Variants in PIP4K2C observed in about 807,000 individuals in gnomAD.
The protein encoded by PIP4K2C is phosphatidylinositol-5-phosphate 4-kinase type 2 gamma.
Under a neutral mutation model 45.0 loss-of-function variants are expected in PIP4K2C, and 21 were observed. The ratio of observed to expected loss-of-function variants is 0.47; its 90% CI spans 0.33 to 0.67. PIP4K2C has a LOEUF of 0.67. Among genes scored for constraint, PIP4K2C ranks in the 30% least tolerant of loss-of-function variants. PIP4K2C has a pLI of 0.02. For missense variants in PIP4K2C, 456 were observed against 542.8 expected, an observed-to-expected ratio of 0.84 and a Z score of 1.59; for synonymous variants, 201 against 204.8, an observed-to-expected ratio of 0.98 and a Z score of 0.16.
intron 3 of PIP4K2C, among the ~76,000 whole-genome samples, chr12:57,595,562 A>G (rs1883152516): frequency 6.6e-6 from 1 of 152,030 alleles, no homozygotes; most frequent in Non-Finnish European, 1.5e-5. Flanking sequence ...AAAATTAGCC[A>G]GGTGTGGTGG....
Position 57,591,376 on chromosome 12 carries a change from G to C in PIP4K2C, c.87G>C (p.Lys29Asn). The change falls in exon 1 of 10, where the codon AAG becomes AAC. Residue 29 changes from lysine to asparagine, a missense_variant. Transcript: ENST00000354947. The stretch of plus-strand genomic sequence containing the variant: ...GTTTCGGCTTCGCCTCCAAGACCAA[G>C]AAGAAGCATTTCGTGCAGCAGAAGG... The part of the protein sequence containing the change: ...GPGFGFASKT[K>N]KKHFVQQKVK... The C allele has an allele frequency of 6.2e-7, 1 of 1,613,978 alleles. No individual in the cohort carries two copies. The highest frequency in any genetic ancestry group is 1.1e-5 in the South Asian group (1 of 91,064).
intron 5 of PIP4K2C, 60 bp from the exon 6 acceptor site, chr12:57,599,340 C>T (rs918489975): frequency 7.5e-6 from 12 of 1,609,456 alleles, no homozygotes; most frequent in Non-Finnish European, 1.0e-5. Flanking sequence ...ATCTTAGGGG[C>T]TGGGTTCTGA....
At position 57,595,205 on chromosome 12, in the gene PIP4K2C, G is replaced by C; in HGVS notation, c.352G>C (p.Asp118His). 6.2e-7 allele frequency: 1 copy of C among 1,604,500 alleles called. No homozygotes were observed. Reference sequence around the variant, plus strand: ...GAACCTCCGTGATCGATTTGGCATTGATGACCAAGATTACTTGGTGAGAGT... The same window carrying C: ...GAACCTCCGTGATCGATTTGGCATTCATGACCAAGATTACTTGGTGAGAGT... ...FRNLRDRFGI[D>H]DQDYLVSLTR... The change falls in exon 3 of 10, where the codon GAT becomes CAT. Residue 118 changes from aspartate to histidine, a missense_variant. Asp to His is a moderately conservative substitution (Grantham distance 81, BLOSUM62 -1). This residue lies in a region of PIP4K2C where 421 missense variants were observed against 473.1 expected (regional missense o/e 0.89). Transcript: ENST00000354947.
Position 57,603,206 on chromosome 12 carries a change from C to T in PIP4K2C, c.*1600C>T, listed in dbSNP as rs2140197487. 1 of 152,772 alleles carries T rather than the reference C, an allele frequency of 6.5e-6. No individual in the cohort carries two copies. Among genetic ancestry groups the T allele is most frequent in the Non-Finnish European group, 1.5e-5 (1 of 68,042 alleles). The allele number at this position is 152,772 out of a possible 1,614,324, so 9.5% of individuals were successfully genotyped here. A position where few individuals can be genotyped will look rare whatever the true frequency, so the allele number is the denominator to read the frequency against. On this transcript the variant is annotated 3_prime_UTR_variant, in exon 10 of 10. Transcript: ENST00000354947. ...GGATCTTTTTCATTCCAACCATCTCCCTTTCCCCCGATGAATGCAATAAAA... is the reference window on the plus strand; with the variant it reads ...GGATCTTTTTCATTCCAACCATCTCTCTTTCCCCCGATGAATGCAATAAAA...
At position 57,591,227 on chromosome 12, in the gene PIP4K2C, C is replaced by T. The variant is rs1190137580; in HGVS notation, c.-63C>T. The T allele has an allele frequency of 1.2e-5, 19 of 1,529,100 alleles. No individual in the cohort carries two copies. The highest frequency in any genetic ancestry group is 2.0e-4 in the Middle Eastern group (1 of 4,956). The allele number at this position is 1,529,100 out of a possible 1,614,324, so 94.7% of individuals were successfully genotyped here. A position where few individuals can be genotyped will look rare whatever the true frequency, so the allele number is the denominator to read the frequency against. Reference sequence around the variant, plus strand: ...CAGCAGCGCAGGTGAGCGCCGCTTCCGGGGTCGGGCGCCTGGATAGCTGCC... The same window carrying T: ...CAGCAGCGCAGGTGAGCGCCGCTTCTGGGGTCGGGCGCCTGGATAGCTGCC... On this transcript the variant is annotated 5_prime_UTR_variant, in exon 1 of 10. Transcript: ENST00000354947.
chr12:57,591,203 A>G lies in PIP4K2C; in HGVS notation c.-87A>G. On this transcript the variant is annotated 5_prime_UTR_variant, in exon 1 of 10. Coordinates refer to ENST00000354947, the MANE Select transcript of PIP4K2C (RefSeq NM_024779.5). Reference sequence around the variant, plus strand: ...GCTGTCCGGCCTCCGGTCACGTGACAGCAGCGCAGGTGAGCGCCGCTTCCG... The same window carrying G: ...GCTGTCCGGCCTCCGGTCACGTGACGGCAGCGCAGGTGAGCGCCGCTTCCG... 1 of 1,381,108 alleles carries G rather than the reference A, an allele frequency of 7.2e-7. No individual in the cohort carries two copies. Among genetic ancestry groups the G allele is most frequent in the South Asian group, 1.3e-5 (1 of 75,088 alleles). The allele number at this position is 1,381,108 out of a possible 1,614,324, so 85.6% of individuals were successfully genotyped here.
At position 57,602,359 on chromosome 12, in the gene PIP4K2C, A is replaced by G. The variant is rs2140195935; in HGVS notation, c.*753A>G. The G allele has an allele frequency of 6.6e-6, 1 of 152,374 alleles. No individual in the cohort carries two copies. Among genetic ancestry groups the G allele is most frequent in the African/African-American group, 2.4e-5 (1 of 41,552 alleles). The allele number at this position is 152,374 out of a possible 1,614,324, so 9.4% of individuals were successfully genotyped here. A position where few individuals can be genotyped will look rare whatever the true frequency, so the allele number is the denominator to read the frequency against. On this transcript the variant is annotated 3_prime_UTR_variant, in exon 10 of 10. Transcript: ENST00000354947. ...CAGCAACCCAGAGATGGCCAAAAGCATTCAAGCCTGGGGGAAGATGTTTGA... is the reference window on the plus strand; with the variant it reads ...CAGCAACCCAGAGATGGCCAAAAGCGTTCAAGCCTGGGGGAAGATGTTTGA...
intron 4 of PIP4K2C, among the ~76,000 whole-genome samples, chr12:57,597,425 T>G (rs1215596623): frequency 1.3e-5 from 2 of 152,086 alleles, no homozygotes; most frequent in Non-Finnish European, 2.9e-5. Context: ...AGGAACAGGT[T>G]TTTGGAGGAA....
chr12:57,596,948 A>G (rs774810810), intron 4 of PIP4K2C, among the ~76,000 whole-genome samples: 1 of 152,222 alleles, frequency 6.6e-6, no homozygotes, highest in Non-Finnish European at 1.5e-5. Flanking sequence ...TAACCATTGG[A>G]CAGGGTGGAA....
At chr12:57,592,779 G>C (rs1883018934) in intron 1 of PIP4K2C, among the ~76,000 whole-genome samples, 2 of 152,132 alleles carry the variant, frequency 1.3e-5, no homozygotes, top group Non-Finnish European at 2.9e-5. Flanking sequence ...TCTACTTCAA[G>C]TGTTTGGAAT....
chr12:57,592,740 C>T (rs879365414), intron 1 of PIP4K2C, among the ~76,000 whole-genome samples: 20 of 151,978 alleles, frequency 1.3e-4, no homozygotes, highest in Non-Finnish European at 2.9e-4. Flanking sequence ...ATACTTTAGC[C>T]CCAGCACCCC....
Position 57,591,230 on chromosome 12 carries a change from G to T in PIP4K2C, c.-60G>T. The T allele has an allele frequency of 6.5e-7, 1 of 1,534,890 alleles. No individual in the cohort carries two copies. The highest frequency in any genetic ancestry group is 8.8e-7 in the Non-Finnish European group (1 of 1,133,336). On this transcript the variant is annotated 5_prime_UTR_variant, in exon 1 of 10. Coordinates refer to ENST00000354947, the MANE Select transcript of PIP4K2C (RefSeq NM_024779.5). Reference sequence around the variant, plus strand: ...CAGCGCAGGTGAGCGCCGCTTCCGGGGTCGGGCGCCTGGATAGCTGCCGGC... The same window carrying T: ...CAGCGCAGGTGAGCGCCGCTTCCGGTGTCGGGCGCCTGGATAGCTGCCGGC...
In PIP4K2C at chr12:57,599,105, TC is replaced by T; in HGVS notation, c.556del (p.Leu186TrpfsTer17). ...CATGGCAACACGCTTCTGCCCCAGT[TC>T]CTGGGGATGTACCGAGTCAGTGTGG... ...KCHGNTLLPQ[F>X]LGMYRVSVDN... On this transcript the variant is annotated frameshift_variant, in exon 5 of 10. Transcript: ENST00000354947. LOFTEE classifies it high-confidence loss of function. 6.2e-7 allele frequency: 1 copy of T among 1,614,144 alleles called. No individual in the cohort carries two copies. Among genetic ancestry groups the T allele is most frequent in the African/African-American group, 1.3e-5 (1 of 75,050 alleles).
At chr12:57,591,900 C>T (rs968028478) in intron 1 of PIP4K2C, among the ~76,000 whole-genome samples, 10 of 152,048 alleles carry the variant, frequency 6.6e-5, no homozygotes, top group African/African-American at 2.4e-4. Context: ...TTGCTTTCCA[C>T]CTTGCTTCCC....
chr12:57,601,720 C>A lies in PIP4K2C; in HGVS notation c.*114C>A. On this transcript the variant is annotated 3_prime_UTR_variant, in exon 10 of 10. Transcript: ENST00000354947. ...TTCTTCCTTTGCTAAATTCAGGCTG[C>A]AGGCTCCTTCCATCCAGATAACTCC... is the stretch of plus-strand genomic sequence containing the variant. 1.1e-6 allele frequency: 1 copy of A among 893,476 alleles called. No homozygotes were observed. Among genetic ancestry groups the A allele is most frequent in the Non-Finnish European group, 1.9e-6 (1 of 537,202 alleles). The allele number at this position is 893,476 out of a possible 1,614,324, so 55.3% of individuals were successfully genotyped here.
Position 57,600,946 on chromosome 12 carries a change from G to A in PIP4K2C, c.949G>A (p.Gly317Arg). The change falls in exon 8 of 10, where the codon GGA becomes AGA. Residue 317 changes from glycine (G) to arginine (R), a missense_variant. Physicochemically the swap from Gly to Arg is moderately radical, Grantham distance 125. Transcript: ENST00000354947. ...GGTGGATGGGGACTGCAGCCTGACT[G>A]GACCTCCTGCTCTGGTGGGCTCCTA... ...SEVDGDCSLT[G>R]PPALVGSYGT... The A allele has an allele frequency of 6.2e-7, 1 of 1,614,210 alleles. No individual in the cohort carries two copies. The highest frequency in any genetic ancestry group is 8.5e-7 in the Non-Finnish European group (1 of 1,180,054).
At chr12:57,600,139 T>C (rs1169908069) in intron 6 of PIP4K2C, among the ~76,000 whole-genome samples, 185 bp from the exon 7 acceptor site, 1 of 151,922 alleles carries the variant, frequency 6.6e-6, no homozygotes, top group Non-Finnish European at 1.5e-5. Context: ...GGGATGTGAT[T>C]TGGGATACAG....
Position 57,594,677 on chromosome 12 carries a change from G to A in PIP4K2C, c.273-449G>A, listed in dbSNP as rs73346065. Among the ~76,000 whole-genome samples, 1,076 of 152,202 alleles carry A rather than the reference G, an allele frequency of 7.1e-3. 12 individuals are homozygous for A. Among genetic ancestry groups the A allele is most frequent in the African/African-American group, 0.024 (1,010 of 41,540 alleles). On this transcript the variant is annotated intron_variant, in intron 2 of 9. Transcript: ENST00000354947. Reference sequence around the variant, plus strand: ...AAATGGAAATAATATGTTTTTATAGGACCTCACAAGGGCCAGGCGTGGTGG... The same window carrying A: ...AAATGGAAATAATATGTTTTTATAGAACCTCACAAGGGCCAGGCGTGGTGG...
chr12:57,598,933 A>C (rs1883306767), intron 4 of PIP4K2C, 132 bp from the exon 5 acceptor site: 1 of 982,594 alleles, frequency 1.0e-6, no homozygotes, highest in South Asian at 1.8e-5. Flanking sequence ...AGCTTCCACC[A>C]CTTTTGACTT....
Sources: gnomAD v4.1 joint callset for allele counts (sites outside exome capture counted in the v4.1 genomes callset) on GRCh38, gnomAD v4.1.1 for gene constraint, gnomAD v4.1.1 regional missense constraint, MANE v1.5 for transcripts, NCBI Gene and HGNC (gene_info 2026-07-23, HGNC 2026-07-21) for gene names.